Variants in NR5A2 observed in about 807,000 individuals in gnomAD.
NR5A2 encodes CYP7A promoter-binding factor.
NR5A2 carries 26 observed loss-of-function variants against 62.7 expected under a neutral mutation model. The ratio of observed to expected loss-of-function variants is 0.41; its 90% CI spans 0.30 to 0.58. NR5A2 has a LOEUF of 0.58. NR5A2 is among the 20% of genes least tolerant of loss of function. NR5A2 has a pLI of 0.22. For missense variants in NR5A2, 541 were observed against 669.1 expected, an observed-to-expected ratio of 0.81 and a Z score of 2.11; for synonymous variants, 246 against 241.7, an observed-to-expected ratio of 1.02 and a Z score of -0.16.
chr1:200,168,696 C>A (rs1242081668), intron 7 of NR5A2, among the ~76,000 whole-genome samples: 1 of 152,084 alleles, frequency 6.6e-6, no homozygotes, highest in African/African-American at 2.4e-5. Context: ...GTGTCAGCAC[C>A]AAAATTATCC....
At chr1:200,104,305 T>C (rs1251619361) in intron 5 of NR5A2, among the ~76,000 whole-genome samples, 1 of 152,246 alleles carries the variant, frequency 6.6e-6, no homozygotes, top group East Asian at 1.9e-4. Flanking sequence ...GCTTGTTTAA[T>C]CATTGTTAAT....
intron 7 of NR5A2, among the ~76,000 whole-genome samples, chr1:200,122,583 G>A (rs1317342935): frequency 6.6e-6 from 1 of 152,138 alleles, no homozygotes; most frequent in East Asian, 1.9e-4. Context: ...GGAGGGGGTT[G>A]GGCTAGATCT....
intron 5 of NR5A2, among the ~76,000 whole-genome samples, chr1:200,094,523 A>ATTTT (rs1558134088): frequency 8.5e-5 from 6 of 70,232 alleles, no homozygotes; most frequent in African/African-American, 3.4e-4. Flanking sequence ...ATTAAATGCC[A>ATTTT]CTTTTTTTTT....
intron 1 of NR5A2, among the ~76,000 whole-genome samples, chr1:200,034,133 T>A (rs528906906): frequency 2.0e-5 from 3 of 152,162 alleles, no homozygotes; most frequent in Non-Finnish European, 4.4e-5. Context: ...CTGACCCAGG[T>A]TGAAGCGGAG....
intron 7 of NR5A2, among the ~76,000 whole-genome samples, chr1:200,153,221 GGAT>G (rs1254025763): frequency 6.6e-6 from 1 of 152,172 alleles, no homozygotes; most frequent in Admixed American, 6.5e-5. Context: ...AATAGCATTT[GGAT>G]GATTACAGAT....
At chr1:200,126,155 G>A (rs1315881471) in intron 7 of NR5A2, among the ~76,000 whole-genome samples, 3 of 152,078 alleles carry the variant, frequency 2.0e-5, no homozygotes, top group Non-Finnish European at 4.4e-5. Context: ...GCCCTCCCTT[G>A]AAAGACCTTT....
intron 5 of NR5A2, among the ~76,000 whole-genome samples, chr1:200,062,920 TG>T (rs903321597): frequency 1.1e-4 from 16 of 152,182 alleles, no homozygotes; most frequent in South Asian, 1.0e-3. Context: ...TAAATTAAGG[TG>T]GGGGGAAGAC....
At chr1:200,166,433 A>C (rs1424039723) in intron 7 of NR5A2, among the ~76,000 whole-genome samples, 11 of 152,202 alleles carry the variant, frequency 7.2e-5, no homozygotes, top group Non-Finnish European at 8.8e-5. Flanking sequence ...TCAAAATCTC[A>C]AACATTAAGT....
At chr1:200,092,714 G>A (rs200729692) in intron 5 of NR5A2, among the ~76,000 whole-genome samples, 100 of 142,736 alleles carry the variant, frequency 7.0e-4, no homozygotes, top group African/African-American at 2.5e-3. Context: ...AAAAAAAAAA[G>A]GTTTTAAAAT....
intron 7 of NR5A2, among the ~76,000 whole-genome samples, chr1:200,131,503 A>G (rs1435833652): frequency 6.6e-6 from 1 of 152,204 alleles, no homozygotes; most frequent in Non-Finnish European, 1.5e-5. Context: ...TAGTGAGATG[A>G]TTTTTCAGAG....
intron 5 of NR5A2, among the ~76,000 whole-genome samples, chr1:200,060,116 T>A (rs1274019133): frequency 6.6e-6 from 1 of 152,210 alleles, no homozygotes; most frequent in Non-Finnish European, 1.5e-5. Flanking sequence ...GCACATCATT[T>A]TCTTTATCTT....
intron 7 of NR5A2, among the ~76,000 whole-genome samples, chr1:200,146,619 A>T (rs1185702542): frequency 6.6e-6 from 1 of 152,222 alleles, no homozygotes; most frequent in Non-Finnish European, 1.5e-5. Context: ...ATAAAATTAA[A>T]TCACAAATAA....
chr1:200,172,681 T>G (rs562827553), intron 7 of NR5A2, among the ~76,000 whole-genome samples: 2 of 152,330 alleles, frequency 1.3e-5, no homozygotes, highest in South Asian at 4.1e-4. Context: ...AGCGAATGTA[T>G]GACAGCCCAG....
At chr1:200,121,711 C>A (rs1666488351) in intron 7 of NR5A2, among the ~76,000 whole-genome samples, 1 of 152,128 alleles carries the variant, frequency 6.6e-6, no homozygotes, top group Non-Finnish European at 1.5e-5. Flanking sequence ...CTTAAATAAA[C>A]TTTTTGCCAA....
intron 4 of NR5A2, 59 bp downstream of exon 4, chr1:200,045,643 A>G: frequency 7.3e-7 from 1 of 1,363,160 alleles, no homozygotes; most frequent in Non-Finnish European, 1.0e-6. Flanking sequence ...GAACTGTAAA[A>G]CAACATTGTA....
At position 200,174,271 on chromosome 1, in the gene NR5A2, G is replaced by A; in HGVS notation, c.*61G>A. On this transcript the variant is annotated 3_prime_UTR_variant, in exon 8 of 8. Transcript: ENST00000367362. ...AAGAGATTGGGGGAGTGGGGAGGGG[G>A]AAGAAGAACAGGAAGAAAAAAAGTA... 1.4e-6 allele frequency: 2 copies of A among 1,452,794 alleles called. No individual in the cohort carries two copies. The highest frequency in any genetic ancestry group is 1.4e-5 in the African/African-American group (1 of 70,080). 90.0% of individuals were successfully genotyped at this position (1,452,794 alleles called of 1,614,324 possible).
rs78893977 is a variant in NR5A2 at position 200,090,967 on chromosome 1, C to T, written c.1111-20235C>T. Among the ~76,000 whole-genome samples the T allele has an allele frequency of 9.4e-3, 1,434 of 152,292 alleles. 13 individuals are homozygous for T. Among genetic ancestry groups the T allele is most frequent in the Non-Finnish European group, 0.016 (1,112 of 68,024 alleles). Reference sequence around the variant, plus strand: ...GTTCTGGTGCCATCCTGAGCCTTGACCACATTGACTGGCTTTTAAAGTAGG... The same window carrying T: ...GTTCTGGTGCCATCCTGAGCCTTGATCACATTGACTGGCTTTTAAAGTAGG... On this transcript the variant is annotated intron_variant, in intron 5 of 7. Transcript: ENST00000367362.
intron 5 of NR5A2, among the ~76,000 whole-genome samples, chr1:200,069,906 T>A (rs1663660815): frequency 6.6e-6 from 1 of 152,198 alleles, no homozygotes; most frequent in East Asian, 1.9e-4. Context: ...ATCTCTAAGA[T>A]GAACTCCATT....
chr1:200,037,105 A>G (rs1661813754), intron 1 of NR5A2, among the ~76,000 whole-genome samples: 1 of 152,132 alleles, frequency 6.6e-6, no homozygotes, highest in Admixed American at 6.5e-5. Context: ...GTAGACTGGC[A>G]TGGACCAAGA....
Sources: gnomAD v4.1 joint callset for allele counts (sites outside exome capture counted in the v4.1 genomes callset) on GRCh38, gnomAD v4.1.1 for gene constraint, MANE v1.5 for transcripts, NCBI Gene and HGNC (gene_info 2026-07-23, HGNC 2026-07-21) for gene names.